Variants in ARFGEF3 observed in about 807,000 individuals in gnomAD.
The protein encoded by ARFGEF3 is ARFGEF family member 3.
Under a neutral mutation model 221.7 loss-of-function variants are expected in ARFGEF3, and 96 were observed. That is an observed-to-expected ratio of 0.43 (90% CI 0.37 to 0.51). The LOEUF (loss-of-function observed/expected upper bound fraction) is 0.51, where lower values mean the gene tolerates loss of function less well. Among genes scored for constraint, ARFGEF3 ranks in the 20% least tolerant of loss-of-function variants. The pLI, the probability that ARFGEF3 is intolerant of heterozygous loss-of-function variation, is 0.00. For synonymous variants in ARFGEF3, 1,145 were observed against 1,126.8 expected (o/e 1.02, Z -0.32); for missense variants, 2,410 against 2,789.9 (o/e 0.86, Z 3.07).
intron 33 of ARFGEF3, 74 bp downstream of exon 33, chr6:138,335,262 C>A: frequency 7.3e-7 from 1 of 1,372,122 alleles, no homozygotes; most frequent in Non-Finnish European, 9.6e-7. Flanking sequence ...CCTTGCAGAG[C>A]AGGCATACAC....
chr6:138,331,672 G>A (rs1780229800), intron 32 of ARFGEF3, among the ~76,000 whole-genome samples: 1 of 152,192 alleles, frequency 6.6e-6, no homozygotes, highest in South Asian at 2.1e-4. Context: ...CAGTCTGGAG[G>A]CTGGCTTTCC....
chr6:138,323,638 A>G, intron 29 of ARFGEF3, 33 bp from the exon 30 acceptor site: 1 of 1,593,890 alleles, frequency 6.3e-7, no homozygotes, highest in East Asian at 2.2e-5. Context: ...ACAACAACAA[A>G]AAAAAAACTC....
intron 24 of ARFGEF3, among the ~76,000 whole-genome samples, chr6:138,310,455 A>G (rs1779805669): frequency 6.6e-6 from 1 of 152,260 alleles, no homozygotes; most frequent in Admixed American, 6.5e-5. Flanking sequence ...AGCGGTTGCA[A>G]TAAAGACAGT....
At chr6:138,333,933 G>A (rs1339840437) in intron 32 of ARFGEF3, 37 bp from the exon 33 acceptor site, 2 of 1,567,390 alleles carry the variant, frequency 1.3e-6, no homozygotes, top group African/African-American at 2.7e-5. Context: ...ATATAGGGCA[G>A]AAAACCATTA....
At chr6:138,307,890 T>C (rs1417892699) in intron 23 of ARFGEF3, among the ~76,000 whole-genome samples, 1 of 152,116 alleles carries the variant, frequency 6.6e-6, no homozygotes, top group African/African-American at 2.4e-5. Flanking sequence ...CATATAGTTA[T>C]GTTGAGATTT....
intron 32 of ARFGEF3, among the ~76,000 whole-genome samples, chr6:138,331,555 G>C (rs1260753079): frequency 1.3e-5 from 2 of 152,190 alleles, no homozygotes; most frequent in African/African-American, 2.4e-5. Context: ...CCTTGACATT[G>C]ATAGCCCCAA....
At chr6:138,329,177 G>A (rs887764166) in intron 32 of ARFGEF3, among the ~76,000 whole-genome samples, 7 of 152,130 alleles carry the variant, frequency 4.6e-5, no homozygotes, top group Non-Finnish European at 2.9e-5. Flanking sequence ...TAGACTTGAA[G>A]ATGAAGGCAA....
At chr6:138,182,385 A>G (rs1182759177) in intron 2 of ARFGEF3, among the ~76,000 whole-genome samples, 2 of 152,236 alleles carry the variant, frequency 1.3e-5, no homozygotes, top group Non-Finnish European at 2.9e-5. Flanking sequence ...AAAACCTGCT[A>G]TATTTCGCCA....
At chr6:138,246,440 T>C (rs1167139037) in intron 8 of ARFGEF3, among the ~76,000 whole-genome samples, 3 of 152,280 alleles carry the variant, frequency 2.0e-5, no homozygotes, top group African/African-American at 7.2e-5. Flanking sequence ...TAGGCAAGAA[T>C]GAGGACTCTC....
In ARFGEF3 at chr6:138,339,439, C is replaced by T. The variant is rs997283110; in HGVS notation, c.*2953C>T. ...AATTCAAGGCAGCCTTTTAAAGTTA[C>T]GAACAGTTATTAGCATGTATTTACA... On this transcript the variant is annotated 3_prime_UTR_variant, in exon 34 of 34. Transcript: ENST00000251691. 1.5e-4 allele frequency: 23 copies of T among 152,290 alleles called. No individual in the cohort carries two copies. Among genetic ancestry groups the T allele is most frequent in the African/African-American group, 5.3e-4 (22 of 41,564 alleles). The allele number at this position is 152,290 out of a possible 1,614,324, so 9.4% of individuals were successfully genotyped here.
chr6:138,263,358 C>T lies in ARFGEF3; in HGVS notation c.1875C>T (p.Ser625=), dbSNP rs750572567. Residue 625 remains serine (S), a synonymous_variant, in exon 12 of 34, where the codon TCC becomes TCT. Coordinates refer to ENST00000251691, the MANE Select transcript of ARFGEF3 (RefSeq NM_020340.5). The part of the protein sequence containing the change: ...SMAAEKDSGR[S]DVSDIGSDNC... ...CAGCAGAAAAGGACTCGGGCAGGTC[C>T]GACGTGTCAGACATTGGGTCGGACA... 14 of 1,613,858 alleles carry T rather than the reference C, an allele frequency of 8.7e-6. No individual in the cohort carries two copies. In the African/African-American group the frequency reaches 9.3e-5, roughly 11 times the overall value.
intron 23 of ARFGEF3, 142 bp downstream of exon 23, chr6:138,307,539 G>C (rs1779748309): frequency 5.1e-6 from 4 of 781,136 alleles, no homozygotes; most frequent in Non-Finnish European, 8.2e-6. Context: ...GGTGTAGCAG[G>C]AACATGAGTC....
At chr6:138,231,641 A>G (rs77743010) in intron 5 of ARFGEF3, among the ~76,000 whole-genome samples, 1,753 of 152,366 alleles carry the variant, frequency 0.012, 32 homozygotes, top group African/African-American at 0.039. Flanking sequence ...AGCAATTTAT[A>G]AAAGCACCTT....
Position 138,319,872 on chromosome 6 carries a change from A to C in ARFGEF3, c.4644A>C (p.Leu1548=), listed in dbSNP as rs149005137. 6 of 1,613,704 alleles carry C rather than the reference A, an allele frequency of 3.7e-6. No homozygotes were observed. The highest frequency in any genetic ancestry group is 5.1e-6 in the Non-Finnish European group (6 of 1,179,808). ...ELVVEHIQSF[L]HSDIRYESMI... The stretch of plus-strand genomic sequence containing the variant: ...TGGTGGAGCACATTCAAAGCTTTCT[A>C]CATTCAGGTATCTGAAGTGCCAGAG... The change falls in exon 28 of 34, where the codon CTA becomes CTC. Residue 1548 remains leucine (L), a synonymous_variant. Coordinates refer to ENST00000251691, the MANE Select transcript of ARFGEF3 (RefSeq NM_020340.5).
Position 138,243,014 on chromosome 6 carries a change from C to T in ARFGEF3, c.586+20C>T, listed in dbSNP as rs1362627250. On this transcript the variant is annotated intron_variant, in intron 7 of 33. Coordinates refer to ENST00000251691, the MANE Select transcript of ARFGEF3 (RefSeq NM_020340.5). ...ATCAAGGTATGGCATTTGATTTGTA[C>T]TAGTTCAGTTTTTAAAGCAGGTGTG... The T allele has an allele frequency of 1.9e-6, 3 of 1,604,926 alleles. No homozygotes were observed. The African/African-American group carries it at 4.0e-5, about 21-fold the overall frequency.
chr6:138,338,162 A>G lies in ARFGEF3; in HGVS notation c.*1676A>G, dbSNP rs753814335. ...GCCTTCAGTTTTTACTCACTAGACA[A>G]TAATTCAAGTTTAGAAACAGGTAAT... On this transcript the variant is annotated 3_prime_UTR_variant, in exon 34 of 34. Transcript: ENST00000251691. 6.6e-6 allele frequency: 1 copy of G among 152,262 alleles called. No individual in the cohort carries two copies. The highest frequency in any genetic ancestry group is 1.5e-5 in the Non-Finnish European group (1 of 68,054). The allele number at this position is 152,262 out of a possible 1,614,324, so 9.4% of individuals were successfully genotyped here.
intron 4 of ARFGEF3, among the ~76,000 whole-genome samples, chr6:138,227,112 C>G (rs1331088654): frequency 6.6e-6 from 1 of 151,964 alleles, no homozygotes; most frequent in Non-Finnish European, 1.5e-5. Context: ...TGTGGAAAGC[C>G]TTCCTTCCAA....
chr6:138,233,752 C>T (rs1583024601), intron 5 of ARFGEF3, among the ~76,000 whole-genome samples: 1 of 152,284 alleles, frequency 6.6e-6, no homozygotes, highest in East Asian at 1.9e-4. Flanking sequence ...AATTAAGGAA[C>T]AGATAGTCTC....
In ARFGEF3 at chr6:138,286,038, G is replaced by C. The variant is rs761979008; in HGVS notation, c.2554G>C (p.Asp852His). ...TTTCGCCCAGAGCAGGAGAATTGAT[G>C]ACTCCACAGTGGCAGGTAATGACTT... ...SPFAQSRRID[D>H]STVAGVAFAR... Residue 852 changes from aspartate to histidine, a missense_variant, in exon 15 of 34, where the codon GAC becomes CAC. By Grantham distance (81) the Asp-to-His change is moderately conservative. Around this residue, in one of 5 missense-constraint regions of ARFGEF3, gnomAD observed 594 missense variants for 734.3 expected, o/e 0.81. Transcript: ENST00000251691. 2.1e-5 allele frequency: 34 copies of C among 1,602,022 alleles called. No individual in the cohort carries two copies. The African/African-American group carries it at 4.3e-4, about 20-fold the overall frequency.
Sources: gnomAD v4.1 joint callset for allele counts (sites outside exome capture counted in the v4.1 genomes callset) on GRCh38, gnomAD v4.1.1 for gene constraint, gnomAD v4.1.1 regional missense constraint, MANE v1.5 for transcripts, NCBI Gene and HGNC (gene_info 2026-07-23, HGNC 2026-07-21) for gene names.